Variants in ACVR1 observed in about 807,000 individuals in gnomAD.
ACVR1 encodes the protein activin A receptor type 1.
In ACVR1, 38 loss-of-function variants were observed where a neutral mutation model predicts 57.1. The ratio of observed to expected loss-of-function variants is 0.67; its 90% CI spans 0.51 to 0.87. ACVR1 has a LOEUF of 0.87. Among genes scored for constraint, ACVR1 ranks in the 40% least tolerant of loss-of-function variants. The pLI is 0.00. For missense variants in ACVR1, 463 were observed against 638.2 expected (o/e 0.73, Z 2.96); for synonymous variants, 212 against 228.1 (o/e 0.93, Z 0.63).
At chr2:157,828,941 A>T (rs927253278) in intron 1 of ACVR1, among the ~76,000 whole-genome samples, 2 of 151,808 alleles carry the variant, frequency 1.3e-5, no homozygotes, top group Non-Finnish European at 2.9e-5. Flanking sequence ...TAATTTTTGT[A>T]TTTTTAGTAG....
intron 1 of ACVR1, among the ~76,000 whole-genome samples, chr2:157,862,422 TACAC>T (rs68077740): frequency 0.58 from 83,670 of 143,538 alleles, 28,492 homozygotes; most frequent in Non-Finnish European, 0.75. Flanking sequence ...CATATACACA[TACAC>T]ACACACACAC....
chr2:157,768,094 T>C (rs1455139519), intron 7 of ACVR1, among the ~76,000 whole-genome samples: 1 of 152,214 alleles, frequency 6.6e-6, no homozygotes, highest in Non-Finnish European at 1.5e-5. Context: ...CATTTTCACC[T>C]ATGGGACATA....
At chr2:157,857,492 C>T (rs1689576207) in intron 1 of ACVR1, among the ~76,000 whole-genome samples, 1 of 152,086 alleles carries the variant, frequency 6.6e-6, no homozygotes, top group Non-Finnish European at 1.5e-5. Context: ...CACCCTGGAT[C>T]CATCACTAAA....
At chr2:157,867,113 G>C (rs949746935) in intron 1 of ACVR1, among the ~76,000 whole-genome samples, 68 of 152,130 alleles carry the variant, frequency 4.5e-4, no homozygotes, top group African/African-American at 1.5e-3. Context: ...CAACCCAGGT[G>C]CTCTTGGCAA....
chr2:157,813,131 A>G (rs1687808558), intron 2 of ACVR1, among the ~76,000 whole-genome samples: 1 of 152,082 alleles, frequency 6.6e-6, no homozygotes. Context: ...AAACACACAC[A>G]CACAAGTAAT....
intron 3 of ACVR1, among the ~76,000 whole-genome samples, chr2:157,792,078 C>T (rs987619562): frequency 4.6e-5 from 7 of 151,472 alleles, no homozygotes; most frequent in Admixed American, 2.0e-4. Context: ...AGAAATAAAA[C>T]GAAGGAGTCA....
intron 2 of ACVR1, among the ~76,000 whole-genome samples, chr2:157,811,151 G>C (rs1159383666): frequency 1.2e-5 from 1 of 82,014 alleles, no homozygotes; most frequent in African/African-American, 2.5e-5. Flanking sequence ...GCACTCTCAG[G>C]TATCTTTACT....
intron 1 of ACVR1, among the ~76,000 whole-genome samples, chr2:157,839,136 C>G (rs1688889194): frequency 6.6e-6 from 1 of 152,194 alleles, no homozygotes. Context: ...ACTGTCTGAG[C>G]CACAGGCTCC....
chr2:157,757,969 T>A (rs1685501174), intron 9 of ACVR1, among the ~76,000 whole-genome samples: 1 of 151,444 alleles, frequency 6.6e-6, no homozygotes, highest in Non-Finnish European at 1.5e-5. Flanking sequence ...CAGAAATAAG[T>A]CCTCACCTAT....
chr2:157,838,001 C>T (rs1386798749), intron 1 of ACVR1, among the ~76,000 whole-genome samples: 1 of 152,164 alleles, frequency 6.6e-6, no homozygotes, highest in African/African-American at 2.4e-5. Flanking sequence ...GCAATGCACA[C>T]ACCATTAATG....
intron 1 of ACVR1, among the ~76,000 whole-genome samples, chr2:157,874,542 T>C (rs1179985022): frequency 6.6e-6 from 1 of 152,178 alleles, no homozygotes; most frequent in Non-Finnish European, 1.5e-5. Context: ...CATACTATAG[T>C]GTTTCCATTT....
chr2:157,817,755 C>T lies in ACVR1; in HGVS notation c.-8+630G>A, dbSNP rs183146309. Among the ~76,000 whole-genome samples, 456 of 152,142 alleles carry T rather than the reference C, an allele frequency of 3.0e-3. 3 individuals carry two copies. The highest frequency in any genetic ancestry group is 6.8e-3 in the Middle Eastern group (2 of 294). ...GTGGCTCACACCTGTAATCCCATCA[C>T]GTTGGGAGGCCAAGGCAGGTGGATC... On this transcript the variant is annotated intron_variant, in intron 2 of 10. Transcript: ENST00000434821.
chr2:157,770,328 C>A, intron 7 of ACVR1, 40 bp downstream of exon 7: 2 of 1,605,202 alleles, frequency 1.2e-6, no homozygotes, highest in African/African-American at 2.7e-5. Context: ...AATTGTTTCT[C>A]CCTAGATACA....
intron 2 of ACVR1, among the ~76,000 whole-genome samples, chr2:157,809,159 A>G (rs1687661781): frequency 6.6e-6 from 1 of 152,204 alleles, no homozygotes. Context: ...TAAACTTTGT[A>G]AAGTTTCTCC....
intron 5 of ACVR1, among the ~76,000 whole-genome samples, 158 bp from the exon 6 acceptor site, chr2:157,774,345 G>C (rs986218709): frequency 1.3e-5 from 2 of 152,088 alleles, no homozygotes; most frequent in Non-Finnish European, 2.9e-5. Flanking sequence ...GAAGGAAGAA[G>C]GACTGGTTTT....
chr2:157,768,909 G>A (rs1031776666), intron 7 of ACVR1, among the ~76,000 whole-genome samples: 14 of 152,302 alleles, frequency 9.2e-5, no homozygotes, highest in Admixed American at 3.3e-4. Context: ...ATGATCCATT[G>A]CATGTTTATT....
chr2:157,755,295 T>C (rs1217704135), intron 9 of ACVR1, among the ~76,000 whole-genome samples: 1 of 151,944 alleles, frequency 6.6e-6, no homozygotes, highest in East Asian at 1.9e-4. Flanking sequence ...AAAGGGCATG[T>C]GAACTGGTAA....
chr2:157,846,094 G>T (rs186283509), intron 1 of ACVR1, among the ~76,000 whole-genome samples: 1 of 151,436 alleles, frequency 6.6e-6, no homozygotes, highest in African/African-American at 2.5e-5. Context: ...GAGATGAGGC[G>T]ATTATCCTGG....
intron 1 of ACVR1, among the ~76,000 whole-genome samples, chr2:157,849,903 A>G (rs1354393613): frequency 6.6e-6 from 1 of 152,236 alleles, no homozygotes; most frequent in Non-Finnish European, 1.5e-5. Context: ...CAGATTCTTT[A>G]AACCAGTAAC....
Sources: gnomAD v4.1 joint callset for allele counts (sites outside exome capture counted in the v4.1 genomes callset) on GRCh38, gnomAD v4.1.1 for gene constraint, MANE v1.5 for transcripts, NCBI Gene and HGNC (gene_info 2026-07-23, HGNC 2026-07-21) for gene names.